HCRTR2: variants seen among roughly 807,000 people sequenced by gnomAD.
HCRTR2 encodes the protein hypocretin receptor 2.
HCRTR2 carries 22 observed loss-of-function variants against 49.0 expected under a neutral mutation model. The ratio of observed to expected loss-of-function variants is 0.45; its 90% CI spans 0.32 to 0.64. HCRTR2 has a LOEUF of 0.64. Ranked by LOEUF, HCRTR2 falls within the 30% of genes least tolerant of loss-of-function variation. The pLI is 0.04. For synonymous variants in HCRTR2, 236 were observed against 205.3 expected (o/e 1.15, Z -1.28); for missense variants, 491 against 559.4 (o/e 0.88, Z 1.23).
chr6:55,109,680 AT>A (rs35555419), intron 1 of HCRTR2, among the ~76,000 whole-genome samples: 83,567 of 151,022 alleles, frequency 0.55, 23,936 homozygotes, highest in East Asian at 0.84. Context: ...AAGAAAAAAG[AT>A]TTTTTTTTTA....
chr6:55,210,460 A>C (rs1431861046), intron 1 of HCRTR2, among the ~76,000 whole-genome samples: 1 of 152,142 alleles, frequency 6.6e-6, no homozygotes, highest in African/African-American at 2.4e-5. Flanking sequence ...GGCAATTCAG[A>C]TACTTTTTCT....
chr6:55,109,568 G>C (rs1764022087), intron 1 of HCRTR2, among the ~76,000 whole-genome samples: 1 of 152,036 alleles, frequency 6.6e-6, no homozygotes, highest in Admixed American at 6.6e-5. Flanking sequence ...TTGTAGACAT[G>C]CAAAATACCT....
At chr6:55,115,234 A>G (rs1244316538) in intron 1 of HCRTR2, among the ~76,000 whole-genome samples, 1 of 151,686 alleles carries the variant, frequency 6.6e-6, no homozygotes, top group African/African-American at 2.4e-5. Flanking sequence ...TCTCCAACCT[A>G]CTTATTCAAT....
At position 55,255,122 on chromosome 6, in the gene HCRTR2, T is replaced by A. The variant is rs374494493; in HGVS notation, c.403-14T>A. 5 of 1,613,636 alleles carry A rather than the reference T, an allele frequency of 3.1e-6. No individual in the cohort carries two copies. The African/African-American group carries it at 6.7e-5, about 22-fold the overall frequency. ...CTGGTGCTTCTCTATTACTATGATC[T>A]TTCTTTTCTCTAGACCGTGTCGGTG... On this transcript the variant is annotated splice_polypyrimidine_tract_variant and intron_variant, in intron 2 of 6. Transcript: ENST00000370862.
At chr6:55,257,612 A>G (rs556793934) in intron 3 of HCRTR2, among the ~76,000 whole-genome samples, 1 of 151,884 alleles carries the variant, frequency 6.6e-6, no homozygotes, top group African/African-American at 2.4e-5. Context: ...AGTTATTATG[A>G]TTATGTAAAT....
chr6:55,225,567 G>C (rs957782106), intron 1 of HCRTR2, among the ~76,000 whole-genome samples: 1 of 152,110 alleles, frequency 6.6e-6, no homozygotes, highest in Non-Finnish European at 1.5e-5. Flanking sequence ...ACCTGCACAA[G>C]GCATAGAGAA....
At chr6:55,155,787 G>A (rs946049309) in intron 1 of HCRTR2, among the ~76,000 whole-genome samples, 4 of 151,896 alleles carry the variant, frequency 2.6e-5, no homozygotes, top group Admixed American at 6.6e-5. Flanking sequence ...ATTTAAACTC[G>A]TTGGCTATCT....
intron 1 of HCRTR2, among the ~76,000 whole-genome samples, chr6:55,218,309 A>G (rs1765828038): frequency 1.3e-5 from 2 of 152,240 alleles, no homozygotes; most frequent in African/African-American, 2.4e-5. Flanking sequence ...CTACAAAAAA[A>G]TTAATGAAAC....
intron 1 of HCRTR2, among the ~76,000 whole-genome samples, chr6:55,204,951 G>A (rs1765575666): frequency 2.0e-5 from 3 of 152,036 alleles, no homozygotes; most frequent in Admixed American, 6.6e-5. Context: ...GTGCCCAGCT[G>A]ATTTTTTTTA....
chr6:55,120,155 G>T (rs1318198574), intron 1 of HCRTR2, among the ~76,000 whole-genome samples: 2 of 152,120 alleles, frequency 1.3e-5, no homozygotes, highest in African/African-American at 4.8e-5. Context: ...CCAGTACCAT[G>T]CTGTTTTTGT....
chr6:55,176,209 G>A (rs1432364328), intron 1 of HCRTR2, among the ~76,000 whole-genome samples: 1 of 152,172 alleles, frequency 6.6e-6, no homozygotes, highest in Non-Finnish European at 1.5e-5. Context: ...CAGAGTGTTG[G>A]TAGAATGTTA....
intron 1 of HCRTR2, among the ~76,000 whole-genome samples, chr6:55,228,233 G>A (rs1004378053): frequency 6.6e-6 from 1 of 152,112 alleles, no homozygotes; most frequent in Non-Finnish European, 1.5e-5. Context: ...TGAAATTTAT[G>A]TGTAAGAGTT....
At chr6:55,254,103 T>C (rs1766604512) in intron 2 of HCRTR2, among the ~76,000 whole-genome samples, 1 of 152,018 alleles carries the variant, frequency 6.6e-6, no homozygotes. Context: ...GGGGACACAG[T>C]TGTGAAAAAA....
intron 1 of HCRTR2, among the ~76,000 whole-genome samples, chr6:55,244,327 T>C: frequency 6.9e-6 from 1 of 145,192 alleles, no homozygotes. Context: ...CATTTATTAT[T>C]TTATGACACT....
At chr6:55,168,460 G>A (rs1581804438) in intron 1 of HCRTR2, among the ~76,000 whole-genome samples, 1 of 152,140 alleles carries the variant, frequency 6.6e-6, no homozygotes, top group South Asian at 2.1e-4. Flanking sequence ...TTCTGGAATT[G>A]GACCCTGACA....
At chr6:55,137,163 C>T (rs979156575) in intron 1 of HCRTR2, among the ~76,000 whole-genome samples, 1 of 152,132 alleles carries the variant, frequency 6.6e-6, no homozygotes, top group Non-Finnish European at 1.5e-5. Context: ...TGAAATGATT[C>T]CCCATAGCAG....
chr6:55,213,069 GA>G lies in HCRTR2; in HGVS notation c.224-35562del, dbSNP rs375332122. On this transcript the variant is annotated intron_variant, in intron 1 of 6. Transcript: ENST00000370862. ...GGGCGAGAAGAAAGTAAGAGTACAT[GA>G]AAAAAAAGAGGAAGAGAGAGAGCAG... Among the ~76,000 whole-genome samples the G allele has an allele frequency of 3.5e-3, 521 of 148,328 alleles. 4 individuals are homozygous for G. The highest frequency in any genetic ancestry group is 0.014 in the Middle Eastern group (4 of 288).
chr6:55,130,483 A>G (rs1187630639), intron 1 of HCRTR2, among the ~76,000 whole-genome samples: 2 of 151,352 alleles, frequency 1.3e-5, no homozygotes, highest in Non-Finnish European at 3.0e-5. Flanking sequence ...TTTCAAAGCT[A>G]TCATCACCTG....
chr6:55,256,182 C>T (rs1273487705), intron 3 of HCRTR2, among the ~76,000 whole-genome samples: 1 of 151,988 alleles, frequency 6.6e-6, no homozygotes, highest in South Asian at 2.1e-4. Context: ...ATAGCATGCA[C>T]TGATTCCAAT....
Sources: gnomAD v4.1 joint callset for allele counts (sites outside exome capture counted in the v4.1 genomes callset) on GRCh38, gnomAD v4.1.1 for gene constraint, MANE v1.5 for transcripts, NCBI Gene and HGNC (gene_info 2026-07-23, HGNC 2026-07-21) for gene names.